ATP11A: variants seen among roughly 807,000 people sequenced by gnomAD.
ATP11A encodes phospholipid-transporting ATPase IH.
In ATP11A, 81 loss-of-function variants were observed where a neutral mutation model predicts 154.4. The observed-to-expected ratio is 0.52, with a 90% CI of 0.44 to 0.63. The LOEUF is 0.63. Ranked by LOEUF, ATP11A falls within the 30% of genes least tolerant of loss-of-function variation. The pLI is 0.00. For missense variants in ATP11A, 1,316 were observed against 1,474.3 expected (o/e 0.89, Z 1.76); for synonymous variants, 623 against 585.9 (o/e 1.06, Z -0.91).
rs1311984478 is a variant in ATP11A at position 112,785,905 on chromosome 13, G to A, written c.162+648G>A. 5.3e-5 allele frequency among the ~76,000 whole-genome samples: 8 copies of A among 152,202 alleles called. No homozygotes were observed. The highest frequency in any genetic ancestry group is 2.1e-4 in the South Asian group (1 of 4,836). On this transcript the variant is annotated intron_variant, in intron 2 of 29. Coordinates refer to ENST00000375645, the MANE Select transcript of ATP11A (RefSeq NM_015205.3). This position sits in a 1 kb window ranked among gnomAD's most constrained non-coding sequence, Gnocchi z 4.8. ...TGCCATTAAACATGGGGTAAACTGT[G>A]CTTTCCAGGTAATGCGGAACGCACG...
intron 17 of ATP11A, among the ~76,000 whole-genome samples, chr13:112,843,756 G>A (rs904670594): frequency 6.6e-6 from 1 of 152,166 alleles, no homozygotes; most frequent in Non-Finnish European, 1.5e-5. Flanking sequence ...GAGCCCTTTC[G>A]CTCGCGAGCC....
At chr13:112,702,581 G>A (rs970842830) in intron 1 of ATP11A, among the ~76,000 whole-genome samples, 2 of 152,226 alleles carry the variant, frequency 1.3e-5, no homozygotes, top group Non-Finnish European at 1.5e-5. Context: ...GCTGTGTTGT[G>A]CGTGCGTCTC....
Position 112,809,994 on chromosome 13 carries a change from C to T in ATP11A, c.334-625C>T, listed in dbSNP as rs74115495. On this transcript the variant is annotated intron_variant, in intron 4 of 29. Coordinates refer to ENST00000375645, the MANE Select transcript of ATP11A (RefSeq NM_015205.3). Reference sequence around the variant, plus strand: ...TTCCAGCCCCCTGCCTGTGCGTGCACGGGAGTCACGATGGGATGTTTCCCG... The same window carrying T: ...TTCCAGCCCCCTGCCTGTGCGTGCATGGGAGTCACGATGGGATGTTTCCCG... 2.3e-3 allele frequency among the ~76,000 whole-genome samples: 355 copies of T among 152,258 alleles called. 2 individuals are homozygous for T. Among genetic ancestry groups the T allele is most frequent in the African/African-American group, 8.2e-3 (339 of 41,550 alleles).
At chr13:112,709,129 C>G (rs887156526) in intron 1 of ATP11A, among the ~76,000 whole-genome samples, 2 of 152,178 alleles carry the variant, frequency 1.3e-5, no homozygotes, top group Admixed American at 6.5e-5. Flanking sequence ...CTGTGCCCCT[C>G]CTGGCTGTGT....
intron 1 of ATP11A, among the ~76,000 whole-genome samples, chr13:112,713,942 C>CCG (rs1888082244): frequency 2.2e-5 from 3 of 135,624 alleles, no homozygotes; most frequent in African/African-American, 2.7e-5. Flanking sequence ...CCATTCTTCC[C>CCG]ACCCCAGATC....
At chr13:112,711,228 A>G (rs1251924218) in intron 1 of ATP11A, among the ~76,000 whole-genome samples, 1 of 152,216 alleles carries the variant, frequency 6.6e-6, no homozygotes, top group African/African-American at 2.4e-5. Context: ...TTTAGAAGGT[A>G]GTATTCGCTC....
chr13:112,798,615 G>A (rs2078058722), intron 2 of ATP11A, among the ~76,000 whole-genome samples: 1 of 152,228 alleles, frequency 6.6e-6, no homozygotes, highest in Non-Finnish European at 1.5e-5. Flanking sequence ...GTGAGAGTGG[G>A]CGTATATTGT....
rs576941195 is a variant in ATP11A at position 112,754,946 on chromosome 13, C to T, written c.40-30189C>T. On this transcript the variant is annotated intron_variant, in intron 1 of 29. Transcript: ENST00000375645. The surrounding 1 kb of genome is among the most constrained non-coding windows in gnomAD (Gnocchi z 5.3). ...CCGAGCGCGTGTGCCTGACCTGCTC[C>T]GCGGTGGGCGCAGAGCTCCTGCCGA... Among the ~76,000 whole-genome samples, 4 of 152,338 alleles carry T rather than the reference C, an allele frequency of 2.6e-5. No homozygotes were observed. The highest frequency in any genetic ancestry group is 9.6e-5 in the African/African-American group (4 of 41,584).
chr13:112,725,122 C>T (rs973163976), intron 1 of ATP11A, among the ~76,000 whole-genome samples: 31 of 152,188 alleles, frequency 2.0e-4, no homozygotes, highest in African/African-American at 6.8e-4. Flanking sequence ...TGAACTCCAT[C>T]CCTCTGTCAA....
At chr13:112,707,695 A>G (rs1032434069) in intron 1 of ATP11A, among the ~76,000 whole-genome samples, 2 of 152,192 alleles carry the variant, frequency 1.3e-5, no homozygotes, top group African/African-American at 4.8e-5. Context: ...TTGAAGTGTC[A>G]TCTTCTCTTA....
chr13:112,723,352 C>T (rs1430943444), intron 1 of ATP11A, among the ~76,000 whole-genome samples: 1 of 17,092 alleles, frequency 5.9e-5, no homozygotes, highest in Non-Finnish European at 1.1e-4. Flanking sequence ...GCTCACTGCA[C>T]CCTCCGCCTG....
intron 29 of ATP11A, chr13:112,881,352 C>T (rs766467403): frequency 8.9e-6 from 9 of 1,016,814 alleles, no homozygotes; most frequent in Middle Eastern, 4.9e-4. Flanking sequence ...AAGCTGGGCA[C>T]GTCCAGTACT....
rs957721409 is a variant in ATP11A at position 112,697,722 on chromosome 13, G to T, written c.39+7267G>T. On this transcript the variant is annotated intron_variant, in intron 1 of 29. Transcript: ENST00000375645. The surrounding 1 kb of genome is among the most constrained non-coding windows in gnomAD (Gnocchi z 4.0). ...AGCTGGGATTTGTGCCACGACGCCC[G>T]GCCAGTTTTTTTTTTTTTTTTTTTT... Among the ~76,000 whole-genome samples the T allele has an allele frequency of 1.9e-5, 2 of 102,820 alleles. No individual in the cohort carries two copies. The highest frequency in any genetic ancestry group is 4.0e-5 in the Non-Finnish European group (2 of 50,554). 67.5% of individuals were successfully genotyped at this position (102,820 alleles called of 152,430 possible).
At chr13:112,759,333 A>G (rs1281977998) in intron 1 of ATP11A, among the ~76,000 whole-genome samples, 1 of 152,202 alleles carries the variant, frequency 6.6e-6, no homozygotes, top group Non-Finnish European at 1.5e-5. Context: ...ACCTGGGAGC[A>G]GTCTTGTTCC....
At chr13:112,743,507 C>T (rs987335517) in intron 1 of ATP11A, among the ~76,000 whole-genome samples, 3 of 150,716 alleles carry the variant, frequency 2.0e-5, no homozygotes, top group East Asian at 2.0e-4. Context: ...CTAGCGTTGA[C>T]GGCATAGGCA....
intron 1 of ATP11A, among the ~76,000 whole-genome samples, chr13:112,715,387 G>GGCCC: frequency 1.0e-4 from 1 of 9,542 alleles, no homozygotes; most frequent in South Asian, 6.7e-3. Flanking sequence ...ACACCTGGCC[G>GGCCC]ATCCCCCCAC....
intron 1 of ATP11A, among the ~76,000 whole-genome samples, chr13:112,756,114 C>T (rs946580688): frequency 6.6e-6 from 1 of 152,268 alleles, no homozygotes; most frequent in South Asian, 2.1e-4. Context: ...GCGTAAATTT[C>T]TTAGCAACCC....
chr13:112,816,511 T>C (rs142296196), intron 6 of ATP11A, among the ~76,000 whole-genome samples: 14 of 152,306 alleles, frequency 9.2e-5, no homozygotes, highest in African/African-American at 3.4e-4. Context: ...CACCCACATC[T>C]CACTGATTTC....
rs529038955 is a variant in ATP11A, at chr13:112,858,040, C to T, written c.2522-105C>T. On this transcript the variant is annotated intron_variant, in intron 21 of 29. Transcript: ENST00000375645. ...CCCCCGTCACCACCCTCGTGTGTGA[C>T]CGGGAAGGCTCATGATGATGGTTTC... The T allele has an allele frequency of 1.5e-5, 23 of 1,569,524 alleles. No individual in the cohort carries two copies. The Admixed American group carries it at 2.5e-4, about 17-fold the overall frequency.
Sources: allele counts gnomAD v4.1 joint callset (sites outside exome capture counted in the v4.1 genomes callset), GRCh38; gene constraint gnomAD v4.1.1; non-coding constraint Gnocchi (gnomAD v3.1); transcripts MANE v1.5; gene names NCBI Gene and HGNC (gene_info 2026-07-23, HGNC 2026-07-21).